Variants in DCTN1 observed in about 807,000 individuals in gnomAD.
The protein encoded by DCTN1 is dynactin subunit 1.
A neutral mutation model predicts 161.2 loss-of-function variants in DCTN1; 61 were observed. The observed-to-expected ratio is 0.38, with a 90% CI of 0.31 to 0.47. The LOEUF (loss-of-function observed/expected upper bound fraction) is 0.47. DCTN1 is among the 20% of genes least tolerant of loss of function. DCTN1 has a pLI of 0.99. For synonymous variants in DCTN1, 653 were observed against 632.4 expected (o/e 1.03, Z -0.49); for missense variants, 1,404 against 1,623.7 (o/e 0.86, Z 2.33).
chr2:74,388,734 C>T (rs1675856115), intron 1 of DCTN1, among the ~76,000 whole-genome samples: 1 of 152,216 alleles, frequency 6.6e-6, no homozygotes, highest in Non-Finnish European at 1.5e-5. Context: ...ATCTCAGTAT[C>T]TAAGCACTCG....
intron 1 of DCTN1, among the ~76,000 whole-genome samples, chr2:74,379,308 G>A (rs1413024079): frequency 6.6e-6 from 1 of 152,156 alleles, no homozygotes; most frequent in Non-Finnish European, 1.5e-5. Flanking sequence ...AAGACTCTAT[G>A]GGAGACCCTT....
chr2:74,365,347 G>A, intron 25 of DCTN1, 106 bp from the exon 26 acceptor site: 1 of 1,561,990 alleles, frequency 6.4e-7, no homozygotes, highest in Non-Finnish European at 8.7e-7. Flanking sequence ...AGAAGCCAGG[G>A]CAGAGCAGCA....
intron 28 of DCTN1, 33 bp from the exon 29 acceptor site, chr2:74,363,210 G>A: frequency 6.2e-7 from 1 of 1,614,018 alleles, no homozygotes; most frequent in Non-Finnish European, 8.5e-7. Flanking sequence ...AGTGGTAAGA[G>A]GTGCTAGGAG....
rs13016948 is a variant in DCTN1, at chr2:74,371,214, C to A, written c.646-38G>T. 6 of 1,610,196 alleles carry A rather than the reference C, an allele frequency of 3.7e-6. No homozygotes were observed. In the African/African-American group the frequency reaches 6.7e-5, roughly 18 times the overall value. On this transcript the variant is annotated intron_variant, in intron 8 of 31. Transcript: ENST00000628224. ...GGCCTCACGGTCTGTGCACAGCCCA[C>A]TCCTCCTCTCCACCAACACTGAGCT...
At chr2:74,371,354 T>C (rs1674829867) in intron 8 of DCTN1, 178 bp from the exon 9 acceptor site, 1 of 1,417,860 alleles carries the variant, frequency 7.1e-7, no homozygotes, top group Non-Finnish European at 9.7e-7. Flanking sequence ...GGGGAAAGTA[T>C]GGCATAAGGG....
Position 74,369,522 on chromosome 2 carries a change from G to A in DCTN1, c.1393-31C>T. On this transcript the variant is annotated intron_variant, in intron 13 of 31. Transcript: ENST00000628224. This position sits in a 1 kb window ranked among gnomAD's most constrained non-coding sequence, Gnocchi z 4.9. ...ACACCACACCATAGTTTGGGCTAAA[G>A]AAAGGCAGGGTCGGCCAGCGGCGGT... is the stretch of plus-strand genomic sequence containing the variant. 6.2e-7 allele frequency: 1 copy of A among 1,607,272 alleles called. No individual in the cohort carries two copies. The highest frequency in any genetic ancestry group is 8.5e-7 in the Non-Finnish European group (1 of 1,179,580).
Position 74,380,177 on chromosome 2 carries a change from G to C in DCTN1, c.-140C>G, listed in dbSNP as rs1675448954. The C allele has an allele frequency of 1.1e-6, 1 of 893,714 alleles. No individual in the cohort carries two copies. The highest frequency in any genetic ancestry group is 1.6e-5 in the African/African-American group (1 of 60,762). 55.4% of individuals were successfully genotyped at this position (893,714 alleles called of 1,614,324 possible). A position where few individuals can be genotyped will look rare whatever the true frequency, so the allele number is the denominator to read the frequency against. On this transcript the variant is annotated 5_prime_UTR_variant, in exon 1 of 32. Coordinates refer to ENST00000628224, the MANE Select transcript of DCTN1 (RefSeq NM_004082.5). ...TCAGGCACAGCCCTCCCCAGTCCAT[G>C]GGCCTCACTCGGTGGCCTACACGGG...
rs1238095268 is a variant in DCTN1, at chr2:74,361,582, A to T, written c.3754T>A (p.Cys1252Ser). 6.2e-7 allele frequency: 1 copy of T among 1,614,152 alleles called. No homozygotes were observed. The highest frequency in any genetic ancestry group is 1.1e-5 in the South Asian group (1 of 91,076). ...TGTCGCTGTCCAAAACCAGCCGCAC[A>T]TGAGAAGGTCACTTTGCCCATGTAG... ...TVYMGKVTFS[C>S]AAGFGQRHRL... Residue 1252 changes from cysteine (C) to serine (S), a missense_variant, in exon 32 of 32, where the codon TGT becomes AGT. Transcript: ENST00000628224.
chr2:74,374,714 G>C lies in DCTN1; in HGVS notation c.415-374C>G, dbSNP rs1027692351. On this transcript the variant is annotated intron_variant, in intron 5 of 31. Coordinates refer to ENST00000628224, the MANE Select transcript of DCTN1 (RefSeq NM_004082.5). ...TGACGTCATGCACCCACCCTCCTCT[G>C]CTCCATGGGGGTGGAGCCACTGCTC... The C allele has an allele frequency of 2.9e-5, 34 of 1,183,414 alleles. 1 individual carries two copies. In the Admixed American group the frequency reaches 1.2e-3, roughly 43 times the overall value. 73.3% of individuals were successfully genotyped at this position (1,183,414 alleles called of 1,614,324 possible).
chr2:74,364,921 C>A, intron 26 of DCTN1, 154 bp downstream of exon 26: 1 of 947,342 alleles, frequency 1.1e-6, no homozygotes, highest in Non-Finnish European at 1.6e-6. Context: ...GAAGGGAAAA[C>A]TTGGTGAAAA....
At chr2:74,389,946 T>C (rs1432046078) in intron 1 of DCTN1, among the ~76,000 whole-genome samples, 2 of 152,194 alleles carry the variant, frequency 1.3e-5, no homozygotes, top group South Asian at 2.1e-4. Context: ...GTAAAGCACA[T>C]ACATCTGCTA....
chr2:74,364,605 T>C (rs1467712899), intron 26 of DCTN1: 4 of 248,056 alleles, frequency 1.6e-5, no homozygotes, highest in Non-Finnish European at 3.2e-5. Flanking sequence ...GAAACTGGGA[T>C]AATTCAGCAG....
upstream of DCTN1, among the ~76,000 whole-genome samples, chr2:74,381,580 T>C (rs1162246702): frequency 3.3e-5 from 5 of 152,192 alleles, no homozygotes. Context: ...AGGCACATCC[T>C]TGCAGCCTGG....
Position 74,363,348 on chromosome 2 carries a change from G to A in DCTN1, c.3291C>T (p.Ile1097=), listed in dbSNP as rs769145486. Reference sequence around the variant, plus strand: ...GGGAGATGTGCAGCCTCATGGCAGAGATCTGCTGAAGCAGCAGTGGTGAGT... The same window carrying A: ...GGGAGATGTGCAGCCTCATGGCAGAAATCTGCTGAAGCAGCAGTGGTGAGT... ...VKDSPLLLQQ[I]SAMRLHISQL... is the part of the protein sequence containing the mutation. The change falls in exon 28 of 32, where the codon ATC becomes ATT. Residue 1097 remains isoleucine, a synonymous_variant. Coordinates refer to ENST00000628224, the MANE Select transcript of DCTN1 (RefSeq NM_004082.5). The A allele has an allele frequency of 1.2e-5, 20 of 1,613,104 alleles. No homozygotes were observed. Among genetic ancestry groups the A allele is most frequent in the Middle Eastern group, 1.7e-4 (1 of 5,976 alleles).
intron 21 of DCTN1, 54 bp downstream of exon 21, chr2:74,366,729 T>C (rs1441967355): frequency 1.2e-6 from 2 of 1,614,102 alleles, no homozygotes; most frequent in African/African-American, 1.3e-5. Context: ...TCAAGTGCTA[T>C]ACCCTTCATG....
rs188951663 is a variant in DCTN1 at position 74,386,123 on chromosome 2, T to G, written c.-19+5671A>C. On this transcript the variant is annotated intron_variant, in intron 1 of 27. Transcript: ENST00000409240. ...AGTTGTCAAAAGCTGACAGCAACAG[T>G]GATCCCACTGTCCTGCCCCCTCCAT... is the stretch of plus-strand genomic sequence containing the variant. Among the ~76,000 whole-genome samples, 6 of 152,278 alleles carry G rather than the reference T, an allele frequency of 3.9e-5. No individual in the cohort carries two copies. In the East Asian group the frequency reaches 1.2e-3, roughly 29 times the overall value.
At chr2:74,390,739 A>C (rs539967022) in intron 1 of DCTN1, 2 of 352,312 alleles carry the variant, frequency 5.7e-6, no homozygotes, top group East Asian at 1.5e-4. Context: ...CTTGTTAGAA[A>C]TGCAGAACCA....
In DCTN1 at chr2:74,369,015, C is replaced by G. The variant is rs1674632678; in HGVS notation, c.1701+83G>C. The G allele has an allele frequency of 1.9e-6, 3 of 1,562,818 alleles. No individual in the cohort carries two copies. The highest frequency in any genetic ancestry group is 2.6e-6 in the Non-Finnish European group (3 of 1,137,102). On this transcript the variant is annotated intron_variant, in intron 15 of 31. Coordinates refer to ENST00000628224, the MANE Select transcript of DCTN1 (RefSeq NM_004082.5). The surrounding 1 kb of genome is among the most constrained non-coding windows in gnomAD (Gnocchi z 4.9). The stretch of plus-strand genomic sequence containing the variant: ...TCTTCCAAACCACCACACAAAGCAC[C>G]CCTTCCCCCAGGAATCTGAAGCCCA...
Position 74,369,487 on chromosome 2 carries a change from G to A in DCTN1, c.1397C>T (p.Ala466Val), listed in dbSNP as rs1360151678. 4.3e-6 allele frequency: 7 copies of A among 1,612,392 alleles called. No homozygotes were observed. The highest frequency in any genetic ancestry group is 2.7e-5 in the African/African-American group (2 of 74,888). Reference sequence around the variant, plus strand: ...CAGCTCATCGTTCATCTCATTCATCGCTTCCTAGGACACCACACCATAGTT... The same window carrying A: ...CAGCTCATCGTTCATCTCATTCATCACTTCCTAGGACACCACACCATAGTT... ...ELRETVGDLE[A>V]MNEMNDELQE... Residue 466 changes from alanine (A) to valine (V), a missense_variant, in exon 14 of 32, where the codon GCG (alanine) becomes GTG (valine). Ala to Val is a moderately conservative substitution (Grantham distance 64, BLOSUM62 0). Around this residue, in one of 9 missense-constraint regions of DCTN1, gnomAD observed 278 missense variants for 363.8 expected, o/e 0.76. Coordinates refer to ENST00000628224, the MANE Select transcript of DCTN1 (RefSeq NM_004082.5). The surrounding 1 kb of genome is among the most constrained non-coding windows in gnomAD (Gnocchi z 4.9).
Sources: gnomAD v4.1 joint callset for allele counts (sites outside exome capture counted in the v4.1 genomes callset) on GRCh38, gnomAD v4.1.1 for gene constraint, gnomAD v4.1.1 regional missense constraint, Gnocchi (gnomAD v3.1) non-coding constraint, MANE v1.5 for transcripts, NCBI Gene and HGNC (gene_info 2026-07-23, HGNC 2026-07-21) for gene names.